Variants in EIF4E observed in about 807,000 individuals in gnomAD.
EIF4E encodes the protein eukaryotic translation initiation factor 4E, also known as eIF-4F 25 kDa subunit.
For missense variants in EIF4E, 113 were observed against 265.6 expected, an observed-to-expected ratio of 0.43 and a Z score of 3.99; for synonymous variants, 71 against 88.5, an observed-to-expected ratio of 0.80 and a Z score of 1.11.
intron 5 of EIF4E, among the ~76,000 whole-genome samples, chr4:98,885,924 A>G (rs1723897918): frequency 6.6e-6 from 1 of 152,152 alleles, no homozygotes; most frequent in South Asian, 2.1e-4. Flanking sequence ...TGACTTTTTA[A>G]TGTGGAATTC....
At chr4:98,905,556 G>A (rs1226548268) in intron 1 of EIF4E, among the ~76,000 whole-genome samples, 1 of 152,144 alleles carries the variant, frequency 6.6e-6, no homozygotes, top group Non-Finnish European at 1.5e-5. Flanking sequence ...TCAAAGGTCA[G>A]GCTAAAAGTG....
intron 1 of EIF4E, among the ~76,000 whole-genome samples, chr4:98,920,071 C>A (rs989623487): frequency 1.1e-4 from 16 of 152,222 alleles, no homozygotes; most frequent in Admixed American, 7.2e-4. Context: ...CCTGGACAGA[C>A]TTTTTCTAGT....
chr4:98,891,478 T>TA (rs34794736), intron 2 of EIF4E, 146 bp from the exon 3 acceptor site: 6 of 688,492 alleles, frequency 8.7e-6, no homozygotes, highest in Non-Finnish European at 1.5e-5. Flanking sequence ...AATGGAATAC[T>TA]AAAAAGCCCT....
chr4:98,928,972 T>A (rs759809342), intron 1 of EIF4E, 123 bp downstream of exon 1: 4 of 1,576,264 alleles, frequency 2.5e-6, no homozygotes, highest in Non-Finnish European at 3.4e-6. Context: ...AGGTCCAACA[T>A]GAAGGGGAAG....
intron 1 of EIF4E, among the ~76,000 whole-genome samples, chr4:98,907,147 A>T (rs762384484): frequency 1.8e-4 from 27 of 152,318 alleles, no homozygotes; most frequent in African/African-American, 5.1e-4. Flanking sequence ...AAAATTTTTT[A>T]AATTATATTT....
intron 1 of EIF4E, among the ~76,000 whole-genome samples, chr4:98,923,514 T>G (rs1057020230): frequency 1.3e-5 from 2 of 152,164 alleles, no homozygotes; most frequent in Non-Finnish European, 2.9e-5. Flanking sequence ...GGTCTCGCCA[T>G]GTTGGCCAGG....
chr4:98,884,754 A>G (rs1411548952), intron 6 of EIF4E, among the ~76,000 whole-genome samples, 168 bp downstream of exon 6: 2 of 152,170 alleles, frequency 1.3e-5, no homozygotes, highest in Non-Finnish European at 2.9e-5. Flanking sequence ...CAAAAAAACA[A>G]GACGTTGCGC....
chr4:98,925,197 G>T (rs1373154552), intron 1 of EIF4E, among the ~76,000 whole-genome samples: 1 of 152,188 alleles, frequency 6.6e-6, no homozygotes, highest in African/African-American at 2.4e-5. Context: ...ATTCACTTAT[G>T]AAATTAGCGT....
intron 1 of EIF4E, among the ~76,000 whole-genome samples, chr4:98,904,853 T>C (rs746472829): frequency 1.3e-5 from 2 of 152,138 alleles, no homozygotes; most frequent in Non-Finnish European, 2.9e-5. Flanking sequence ...AATATGTGTG[T>C]ATGTATGAAT....
At chr4:98,886,119 C>T (rs1282551616) in intron 5 of EIF4E, among the ~76,000 whole-genome samples, 1 of 151,886 alleles carries the variant, frequency 6.6e-6, no homozygotes, top group Non-Finnish European at 1.5e-5. Context: ...TGCACTCTAG[C>T]CTGGGCGACA....
chr4:98,921,102 T>C (rs1269161042), intron 1 of EIF4E, among the ~76,000 whole-genome samples: 1 of 152,220 alleles, frequency 6.6e-6, no homozygotes, highest in Non-Finnish European at 1.5e-5. Context: ...ACTTTGTATG[T>C]AACACTTAAG....
At chr4:98,891,363 G>A (rs1162345324) in intron 2 of EIF4E, 31 bp from the exon 3 acceptor site, 1 of 1,581,562 alleles carries the variant, frequency 6.3e-7, no homozygotes, top group East Asian at 2.3e-5. Flanking sequence ...TCAAAAAATG[G>A]TAGCTGCATA....
chr4:98,929,065 G>T (rs1013144775), intron 1 of EIF4E, 30 bp downstream of exon 1: 2 of 1,577,628 alleles, frequency 1.3e-6, no homozygotes, highest in African/African-American at 1.3e-5. Context: ...GCGGGGACCC[G>T]TGGGGGTGGG....
chr4:98,916,279 C>A (rs1579180733), intron 1 of EIF4E, among the ~76,000 whole-genome samples: 6 of 79,990 alleles, frequency 7.5e-5, no homozygotes, highest in Non-Finnish European at 6.6e-5. Context: ...AATGAACATT[C>A]AGAGGACAAA....
At chr4:98,921,082 C>T (rs1417977527) in intron 1 of EIF4E, among the ~76,000 whole-genome samples, 3 of 152,178 alleles carry the variant, frequency 2.0e-5, no homozygotes, top group African/African-American at 4.8e-5. Context: ...ATTCCTTTTG[C>T]GGCACCAAAA....
At chr4:98,905,069 C>A (rs897712752) in intron 1 of EIF4E, among the ~76,000 whole-genome samples, 1 of 151,838 alleles carries the variant, frequency 6.6e-6, no homozygotes, top group African/African-American at 2.4e-5. Context: ...TTCCTATAGA[C>A]ACTAAATAGT....
chr4:98,922,425 A>G (rs532762815), intron 1 of EIF4E, among the ~76,000 whole-genome samples: 1 of 152,142 alleles, frequency 6.6e-6, no homozygotes, highest in Admixed American at 6.6e-5. Context: ...GCGTGGTGGC[A>G]CGTGCCTGTA....
At chr4:98,924,022 C>A (rs1725766031) in intron 1 of EIF4E, among the ~76,000 whole-genome samples, 1 of 151,962 alleles carries the variant, frequency 6.6e-6, no homozygotes, top group Non-Finnish European at 1.5e-5. Flanking sequence ...AAAAAAGTCT[C>A]TATGACTAAG....
chr4:98,891,643 T>TA (rs1276313460), intron 2 of EIF4E: 2 of 308,754 alleles, frequency 6.5e-6, no homozygotes, highest in African/African-American at 4.4e-5. Flanking sequence ...GAATGGTGAT[T>TA]GCCACTAGCC....
Sources: allele counts gnomAD v4.1 joint callset (sites outside exome capture counted in the v4.1 genomes callset), GRCh38; gene constraint gnomAD v4.1.1; transcripts MANE v1.5; gene names NCBI Gene and HGNC (gene_info 2026-07-23, HGNC 2026-07-21).